The following NFE2L3 variants were observed in gnomAD, a reference collection of about 807,000 sequenced individuals.
NFE2L3 encodes nuclear factor erythroid 2-related factor 3.
NFE2L3 carries 18 observed loss-of-function variants against 23.5 expected under a neutral mutation model. The observed-to-expected ratio is 0.77, with a 90% CI of 0.53 to 1.13. The LOEUF (loss-of-function observed/expected upper bound fraction) is 1.13. Ranked by LOEUF, NFE2L3 falls within the 50% of genes most tolerant of loss-of-function variation. The pLI is 0.00. For synonymous variants in NFE2L3, 424 were observed against 354.5 expected, an observed-to-expected ratio of 1.20 and a Z score of -2.20; for missense variants, 1,152 against 877.2, an observed-to-expected ratio of 1.31 and a Z score of -3.96.
At chr7:26,173,189 C>T (rs1178693691) in intron 1 of NFE2L3, among the ~76,000 whole-genome samples, 1 of 152,150 alleles carries the variant, frequency 6.6e-6, no homozygotes, top group Non-Finnish European at 1.5e-5. Context: ...TCCAGTCCTT[C>T]TCTTCCTGAG....
At chr7:26,169,791 G>T (rs984314266) in intron 1 of NFE2L3, among the ~76,000 whole-genome samples, 11 of 152,334 alleles carry the variant, frequency 7.2e-5, no homozygotes, top group Admixed American at 2.0e-4. Flanking sequence ...GTGGAATTCA[G>T]TCTGCCATCC....
intron 3 of NFE2L3, 163 bp from the exon 4 acceptor site, chr7:26,184,370 G>T (rs767664077): frequency 4.9e-6 from 3 of 607,190 alleles, no homozygotes; most frequent in Non-Finnish European, 8.5e-6. Context: ...CTCACATCTC[G>T]TATTGTATTG....
At chr7:26,154,655 A>G (rs1251061504) in intron 1 of NFE2L3, among the ~76,000 whole-genome samples, 3 of 152,174 alleles carry the variant, frequency 2.0e-5, no homozygotes, top group African/African-American at 7.2e-5. Flanking sequence ...GGCTCCAGCA[A>G]TCCTTCCACT....
chr7:26,182,266 T>A (rs1784529969), intron 2 of NFE2L3, among the ~76,000 whole-genome samples: 1 of 152,046 alleles, frequency 6.6e-6, no homozygotes, highest in Non-Finnish European at 1.5e-5. Context: ...GACAGAGTAC[T>A]GAGGGAAAAC....
intron 1 of NFE2L3, among the ~76,000 whole-genome samples, chr7:26,166,670 C>G (rs1053856514): frequency 2.6e-5 from 4 of 152,206 alleles, no homozygotes; most frequent in Admixed American, 2.6e-4. Context: ...TCAATCAACA[C>G]AAGCTGGAAT....
chr7:26,153,167 C>G (rs1377658682), intron 1 of NFE2L3, 99 bp downstream of exon 1: 2 of 1,215,776 alleles, frequency 1.6e-6, no homozygotes, highest in Non-Finnish European at 2.2e-6. Context: ...CTCGCTGTGT[C>G]CTGGCACCCT....
chr7:26,152,330 C>G lies in NFE2L3; in HGVS notation c.-169C>G. 2.9e-6 allele frequency: 1 copy of G among 341,938 alleles called. No individual in the cohort carries two copies. Among genetic ancestry groups the G allele is most frequent in the Non-Finnish European group, 4.8e-6 (1 of 206,818 alleles). The allele number at this position is 341,938 out of a possible 1,614,324, so 21.2% of individuals were successfully genotyped here. On this transcript the variant is annotated 5_prime_UTR_variant, in exon 1 of 4. Transcript: ENST00000056233. The surrounding 1 kb of genome is among the most constrained non-coding windows in gnomAD (Gnocchi z 4.4). ...CGGCTGCCGAGGGAACGCCTTTGTGCCCGGTGCTGGGAACCCGCGACGGCC... is the reference window on the plus strand; with the variant it reads ...CGGCTGCCGAGGGAACGCCTTTGTGGCCGGTGCTGGGAACCCGCGACGGCC...
At chr7:26,172,924 C>T (rs958287362) in intron 1 of NFE2L3, among the ~76,000 whole-genome samples, 1 of 152,118 alleles carries the variant, frequency 6.6e-6, no homozygotes, top group Non-Finnish European at 1.5e-5. Context: ...TATCTTATTT[C>T]TCATAAAATT....
chr7:26,177,291 C>T (rs541749133), intron 1 of NFE2L3, among the ~76,000 whole-genome samples: 3 of 152,276 alleles, frequency 2.0e-5, no homozygotes, highest in Admixed American at 2.0e-4. Context: ...CATGCCACTG[C>T]ACTCCAGCCT....
intron 1 of NFE2L3, among the ~76,000 whole-genome samples, chr7:26,169,448 A>G (rs1784302248): frequency 6.6e-6 from 1 of 152,168 alleles, no homozygotes. Context: ...CTCGCCTGAC[A>G]GGTCATGGGA....
rs1291052712 is a variant in NFE2L3 at position 26,186,090 on chromosome 7, T to G, written c.*307T>G. The G allele has an allele frequency of 4.5e-6, 1 of 224,432 alleles. No individual in the cohort carries two copies. Among genetic ancestry groups the G allele is most frequent in the Non-Finnish European group, 8.7e-6 (1 of 115,312 alleles). 13.9% of individuals were successfully genotyped at this position (224,432 alleles called of 1,614,324 possible). A position where few individuals can be genotyped will look rare whatever the true frequency, so the allele number is the denominator to read the frequency against. On this transcript the variant is annotated 3_prime_UTR_variant, in exon 4 of 4. Coordinates refer to ENST00000056233, the MANE Select transcript of NFE2L3 (RefSeq NM_004289.7). Reference sequence around the variant, plus strand: ...TTTCCATCTTGGCAGCCATCCTTTTTAAGAGTAAGTTGGTTACTTCAAAAA... The same window carrying G: ...TTTCCATCTTGGCAGCCATCCTTTTGAAGAGTAAGTTGGTTACTTCAAAAA...
At chr7:26,170,694 C>T (rs1784319400) in intron 1 of NFE2L3, among the ~76,000 whole-genome samples, 1 of 152,176 alleles carries the variant, frequency 6.6e-6, no homozygotes, top group African/African-American at 2.4e-5. Flanking sequence ...ATCAGGAATT[C>T]CAATGTTAAA....
At chr7:26,165,554 C>A (rs564413114) in intron 1 of NFE2L3, among the ~76,000 whole-genome samples, 60 of 152,272 alleles carry the variant, frequency 3.9e-4, no homozygotes, top group African/African-American at 1.4e-3. Context: ...TGGGCTGAGA[C>A]GATGGGATTT....
At chr7:26,183,062 C>T (rs927414269) in intron 2 of NFE2L3, among the ~76,000 whole-genome samples, 1 of 151,820 alleles carries the variant, frequency 6.6e-6, no homozygotes, top group Non-Finnish European at 1.5e-5. Context: ...GCTGGGATTA[C>T]AAGCGTGAGC....
rs745773547 is a variant in NFE2L3 at position 26,185,632 on chromosome 7, T to C, written c.1934T>C (p.Ile645Thr). Reference sequence around the variant, plus strand: ...AAACTGCATGACCTTTATCATGATATTTTTAGTAGATTAAGAGATGACCAA... The same window carrying C: ...AAACTGCATGACCTTTATCATGATACTTTTAGTAGATTAAGAGATGACCAA... ...KQKLHDLYHD[I>T]FSRLRDDQGR... The change falls in exon 4 of 4, where the codon ATT (isoleucine) becomes ACT (threonine). Residue 645 changes from isoleucine to threonine, a missense_variant. Transcript: ENST00000056233. 1.9e-6 allele frequency: 3 copies of C among 1,613,870 alleles called. No individual in the cohort carries two copies. The highest frequency in any genetic ancestry group is 2.5e-6 in the Non-Finnish European group (3 of 1,179,792).
intron 1 of NFE2L3, chr7:26,174,447 C>T (rs1784368417): frequency 6.6e-6 from 1 of 152,188 alleles, no homozygotes; most frequent in Non-Finnish European, 1.5e-5. Context: ...TGAGAAAGAA[C>T]TGTTGATGCA....
At chr7:26,171,228 A>AT (rs1446142128) in intron 1 of NFE2L3, among the ~76,000 whole-genome samples, 1 of 152,230 alleles carries the variant, frequency 6.6e-6, no homozygotes, top group Non-Finnish European at 1.5e-5. Context: ...ACAAGAAAAG[A>AT]TTAGAAACAA....
intron 2 of NFE2L3, 113 bp downstream of exon 2, chr7:26,178,235 A>C: frequency 1.2e-6 from 1 of 806,820 alleles, no homozygotes; most frequent in Non-Finnish European, 1.9e-6. Flanking sequence ...TACTATTAAC[A>C]AATATGATAT....
intron 1 of NFE2L3, among the ~76,000 whole-genome samples, chr7:26,161,338 T>C (rs1254085779): frequency 6.8e-5 from 5 of 73,882 alleles, no homozygotes; most frequent in South Asian, 4.5e-4. Context: ...TCTCTCTCTT[T>C]TTTTTTTTTT....
Sources: gnomAD v4.1 joint callset for allele counts (sites outside exome capture counted in the v4.1 genomes callset) on GRCh38, gnomAD v4.1.1 for gene constraint, Gnocchi (gnomAD v3.1) non-coding constraint, MANE v1.5 for transcripts, NCBI Gene and HGNC (gene_info 2026-07-23, HGNC 2026-07-21) for gene names.